Variants in DRC7 observed in about 807,000 individuals in gnomAD.
The protein encoded by DRC7 is dynein regulatory complex subunit 7.
DRC7 carries 80 observed loss-of-function variants against 104.4 expected under a neutral mutation model. The ratio of observed to expected loss-of-function variants is 0.77; its 90% CI spans 0.64 to 0.92. The LOEUF (loss-of-function observed/expected upper bound fraction) is 0.92, where lower values mean the gene tolerates loss of function less well. Ranked by LOEUF, DRC7 falls within the 40% of genes least tolerant of loss-of-function variation. The pLI is 0.00. For missense variants in DRC7, 1,034 were observed against 1,141.1 expected (o/e 0.91, Z 1.35); for synonymous variants, 405 against 447.3 (o/e 0.91, Z 1.19).
intron 9 of DRC7, among the ~76,000 whole-genome samples, 163 bp downstream of exon 9, chr16:57,718,638 A>G (rs1203389515): frequency 6.6e-6 from 1 of 152,094 alleles, no homozygotes; most frequent in African/African-American, 2.4e-5. Flanking sequence ...TATTTTACAG[A>G]TGGGCACATT....
At chr16:57,726,551 G>A in intron 14 of DRC7, 1 of 560,260 alleles carries the variant, frequency 1.8e-6, no homozygotes, top group East Asian at 3.0e-5. Flanking sequence ...CAGATCCTAG[G>A]GAGGCTCTGT....
intron 2 of DRC7, among the ~76,000 whole-genome samples, chr16:57,696,964 G>A (rs1430055910): frequency 2.0e-5 from 3 of 152,130 alleles, no homozygotes; most frequent in Non-Finnish European, 4.4e-5. Flanking sequence ...CCAGGCTAGA[G>A]TGCAGTGGTG....
chr16:57,723,828 T>A (rs201463664), intron 12 of DRC7, among the ~76,000 whole-genome samples: 2 of 149,608 alleles, frequency 1.3e-5, no homozygotes, highest in African/African-American at 2.5e-5. Context: ...AAGTTGATAA[T>A]AAAAAAAAAG....
chr16:57,727,512 G>T, intron 16 of DRC7, 103 bp downstream of exon 16: 1 of 798,166 alleles, frequency 1.3e-6, no homozygotes, highest in Non-Finnish European at 2.1e-6. Context: ...CCTCTGTGGG[G>T]GATACGGTTA....
intron 7 of DRC7, among the ~76,000 whole-genome samples, chr16:57,706,043 TCCTC>T (rs2048720067): frequency 8.4e-6 from 1 of 119,566 alleles, no homozygotes. Flanking sequence ...CATCCACCCA[TCCTC>T]CCATCCATCC....
rs549513768 is a variant in DRC7 at position 57,707,219 on chromosome 16, C to T, written c.859-241C>T. Reference sequence around the variant, plus strand: ...GCCGGTAACCCCCAGATGCCCAGTGCCCCAAAGAGTCCGATTTGTAAACCA... The same window carrying T: ...GCCGGTAACCCCCAGATGCCCAGTGTCCCAAAGAGTCCGATTTGTAAACCA... On this transcript the variant is annotated intron_variant, in intron 7 of 18. Coordinates refer to ENST00000360716, the MANE Select transcript of DRC7 (RefSeq NM_001289162.2). Among the ~76,000 whole-genome samples the T allele has an allele frequency of 2.7e-4, 41 of 152,338 alleles. No individual in the cohort carries two copies. In the South Asian group the frequency reaches 8.1e-3, roughly 30 times the overall value.
chr16:57,729,633 A>G (rs1432113583), intron 17 of DRC7, among the ~76,000 whole-genome samples: 4 of 10,964 alleles, frequency 3.6e-4, no homozygotes, highest in African/African-American at 4.7e-4. Flanking sequence ...TGGATGGATG[A>G]GTGGGTGGAT....
chr16:57,714,589 G>T, intron 8 of DRC7: 1 of 167,898 alleles, frequency 6.0e-6, no homozygotes, highest in Non-Finnish European at 1.3e-5. Flanking sequence ...TTGTGCCACT[G>T]CACTCCAGCC....
At chr16:57,712,854 C>G (rs898851681) in intron 8 of DRC7, among the ~76,000 whole-genome samples, 2 of 152,036 alleles carry the variant, frequency 1.3e-5, no homozygotes, top group Non-Finnish European at 2.9e-5. Context: ...CTAACATAAG[C>G]CTTCTTTCTC....
chr16:57,726,985 T>A (rs1165017931), intron 15 of DRC7, 43 bp downstream of exon 15: 1 of 1,240,530 alleles, frequency 8.1e-7, no homozygotes, highest in Non-Finnish European at 1.2e-6. Context: ...GGTATCTTTG[T>A]TTTTGAGATA....
chr16:57,707,582 C>G lies in DRC7; in HGVS notation c.981C>G (p.Ser327Arg). The change falls in exon 8 of 19, where the codon AGC (serine) becomes AGG (arginine). Residue 327 changes from serine (S) to arginine (R), a missense_variant. Ser to Arg is a moderately radical substitution (Grantham distance 110). Coordinates refer to ENST00000360716, the MANE Select transcript of DRC7 (RefSeq NM_001289162.2). ...TCATCGACCCATTCACAGGACATAG[C>G]TACAGCACCCAGGATGAGCACTTCC... ...NFFIDPFTGH[S>R]YSTQDEHFLG... The G allele has an allele frequency of 6.2e-7, 1 of 1,613,616 alleles. No individual in the cohort carries two copies. Among genetic ancestry groups the G allele is most frequent in the Non-Finnish European group, 8.5e-7 (1 of 1,180,016 alleles).
rs2048942604 is a variant in DRC7, at chr16:57,724,632, A to G, written c.1555A>G (p.Met519Val). 2 of 1,612,652 alleles carry G rather than the reference A, an allele frequency of 1.2e-6. No individual in the cohort carries two copies. Among genetic ancestry groups the G allele is most frequent in the African/African-American group, 1.3e-5 (1 of 74,890 alleles). The change falls in exon 13 of 19, where the codon ATG becomes GTG. Residue 519 changes from methionine (M) to valine (V), a missense_variant. Physicochemically the swap from Met to Val is conservative, Grantham distance 21. Coordinates refer to ENST00000360716, the MANE Select transcript of DRC7 (RefSeq NM_001289162.2). ...QALRVHSYKS[M>V]QPEMDRVIEF... is the part of the protein sequence containing the mutation. ...CCACCCAGTGCACTCGTACAAGTCC[A>G]TGCAACCTGAGATGGACCGTGTCAT... is the stretch of plus-strand genomic sequence containing the variant.
Position 57,700,232 on chromosome 16 carries a change from T to C in DRC7, c.466T>C (p.Phe156Leu), listed in dbSNP as rs1480681216. 8 of 1,613,964 alleles carry C rather than the reference T, an allele frequency of 5.0e-6. No individual in the cohort carries two copies. Among genetic ancestry groups the C allele is most frequent in the South Asian group, 1.1e-5 (1 of 91,084 alleles). ...WDSCAQFVSD[F>L]LTMVPLPDPL... ...CAGCTGTGCCCAGTTTGTCTCCGACTTCCTCACCATGGTGCCCCTGCCTGA... is the reference window on the plus strand; with the variant it reads ...CAGCTGTGCCCAGTTTGTCTCCGACCTCCTCACCATGGTGCCCCTGCCTGA... Residue 156 changes from phenylalanine (F) to leucine (L), a missense_variant, in exon 5 of 19, where the codon TTC becomes CTC. Phe to Leu is a conservative substitution (Grantham distance 22). Transcript: ENST00000360716.
chr16:57,705,036 TG>T lies in DRC7; in HGVS notation c.858+5del. Reference sequence around the variant, plus strand: ...AGGGAGGAGGAGGAGCGCCTCATGGTGGGTCCTCAGCCCTGAATCCCCTGGG... The same window carrying T: ...AGGGAGGAGGAGGAGCGCCTCATGGTGGTCCTCAGCCCTGAATCCCCTGGG... On this transcript the variant is annotated splice_donor_region_variant and intron_variant, in intron 7 of 18. Transcript: ENST00000360716. The T allele has an allele frequency of 6.2e-7, 1 of 1,611,290 alleles. No homozygotes were observed. Among genetic ancestry groups the T allele is most frequent in the Non-Finnish European group, 8.5e-7 (1 of 1,179,596 alleles).
intron 5 of DRC7, among the ~76,000 whole-genome samples, chr16:57,701,030 C>T (rs1167822460): frequency 6.6e-6 from 1 of 152,172 alleles, no homozygotes; most frequent in Non-Finnish European, 1.5e-5. Context: ...ACAAAGCGAG[C>T]TATTTTGCAG....
intron 6 of DRC7, among the ~76,000 whole-genome samples, chr16:57,703,141 A>T (rs1317016886): frequency 1.3e-5 from 2 of 149,612 alleles, no homozygotes; most frequent in African/African-American, 5.0e-5. Context: ...AGCCTTCCAA[A>T]GTGCTGGGAT....
At chr16:57,703,729 G>T (rs2048682962) in intron 6 of DRC7, among the ~76,000 whole-genome samples, 1 of 152,168 alleles carries the variant, frequency 6.6e-6, no homozygotes, top group African/African-American at 2.4e-5. Flanking sequence ...CATTTTGGGA[G>T]GCTGAGGCAA....
rs138620893 is a variant in DRC7, at chr16:57,699,647, G to A, written c.379-498G>A. Among the ~76,000 whole-genome samples, 18 of 152,204 alleles carry A rather than the reference G, an allele frequency of 1.2e-4. No individual in the cohort carries two copies. The East Asian group carries it at 1.4e-3, about 11-fold the overall frequency. ...TCTGAGGCTTCAGACTGTACTGGTC[G>A]CCAGCTGGCCCCAGCCCAGAACCTC... On this transcript the variant is annotated intron_variant, in intron 4 of 18. Transcript: ENST00000360716.
In DRC7 at chr16:57,726,073, C is replaced by G. The variant is rs762545980; in HGVS notation, c.1764C>G (p.Ile588Met). 6.2e-7 allele frequency: 1 copy of G among 1,612,908 alleles called. No homozygotes were observed. Among genetic ancestry groups the G allele is most frequent in the Non-Finnish European group, 8.5e-7 (1 of 1,179,748 alleles). The stretch of plus-strand genomic sequence containing the variant: ...TGCATGTTCTGGCCTCCCAGAAAAT[C>G]ACAGAGCGGTTCTTCCGCAACCCAG... ...AESNPRPIVK[I>M]TERFFRNPAK... Residue 588 changes from isoleucine to methionine, a missense_variant, in exon 14 of 19, where the codon ATC becomes ATG. By Grantham distance (10) the Ile-to-Met change is conservative. Transcript: ENST00000360716.
Sources: gnomAD v4.1 joint callset for allele counts (sites outside exome capture counted in the v4.1 genomes callset) on GRCh38, gnomAD v4.1.1 for gene constraint, MANE v1.5 for transcripts, NCBI Gene and HGNC (gene_info 2026-07-23, HGNC 2026-07-21) for gene names.